Variants in FGF13 observed in about 807,000 individuals in gnomAD.
FGF13 encodes fibroblast growth factor homologous factor 2.
FGF13 carries 2 observed loss-of-function variants against 19.5 expected under a neutral mutation model. The ratio of observed to expected loss-of-function variants is 0.10; its 90% CI spans 0.04 to 0.32. The LOEUF is 0.32. Ranked by LOEUF, FGF13 falls within the 10% of genes least tolerant of loss-of-function variation. The probability of loss-of-function intolerance (pLI) is 1.00; values close to 1 mark genes in which losing one functional copy is unlikely to be tolerated. For missense variants in FGF13, 113 were observed against 192.7 expected (o/e 0.59, Z 2.45); for synonymous variants, 72 against 76.9 (o/e 0.94, Z 0.33).
chrX:138,738,613 G>A (rs1413478515), intron 1 of FGF13, among the ~76,000 whole-genome samples: 2 of 111,467 alleles, frequency 1.8e-5, no homozygotes, highest in African/African-American at 6.5e-5. Flanking sequence ...AGCTATCTGC[G>A]GCATCTGCCT....
chrX:139,055,725 C>T (rs757910109), intron 1 of FGF13, among the ~76,000 whole-genome samples: 4 of 112,697 alleles, frequency 3.5e-5, no homozygotes, highest in African/African-American at 1.3e-4. Context: ...ACTGCTGATT[C>T]CTTTGGGGCA....
At chrX:139,186,266 C>T in intron 1 of FGF13, among the ~76,000 whole-genome samples, 1 of 111,686 alleles carries the variant, frequency 9.0e-6, no homozygotes, top group East Asian at 2.8e-4. Flanking sequence ...GTTGTAAGTG[C>T]TAGAGATGGG....
At chrX:139,033,877 G>C (rs2092240604) in intron 1 of FGF13, among the ~76,000 whole-genome samples, 1 of 111,547 alleles carries the variant, frequency 9.0e-6, no homozygotes, top group African/African-American at 3.3e-5. Context: ...TTTGGGATGA[G>C]CTGATTTCTC....
intron 1 of FGF13, among the ~76,000 whole-genome samples, chrX:139,186,611 A>G (rs1012535201): frequency 5.4e-5 from 6 of 111,480 alleles, no homozygotes; most frequent in African/African-American, 1.3e-4. Flanking sequence ...CTCATACACA[A>G]AAGTACACCT....
At chrX:139,029,774 C>A (rs1397594617) in intron 1 of FGF13, among the ~76,000 whole-genome samples, 3 of 110,722 alleles carry the variant, frequency 2.7e-5, no homozygotes, top group Non-Finnish European at 5.7e-5. Context: ...TTGGTGATCC[C>A]CAGCAAAGAT....
intron 1 of FGF13, among the ~76,000 whole-genome samples, chrX:138,923,143 AT>A (rs1172527048): frequency 8.9e-6 from 1 of 112,016 alleles, no homozygotes; most frequent in Non-Finnish European, 1.9e-5. Flanking sequence ...AACCATCAGA[AT>A]TTTTGCAGTA....
At chrX:138,958,080 G>A (rs1284630475) in intron 1 of FGF13, among the ~76,000 whole-genome samples, 4 of 112,032 alleles carry the variant, frequency 3.6e-5, no homozygotes, top group African/African-American at 1.3e-4. Flanking sequence ...GGAGTGGTGA[G>A]AGAAGGCCTC....
At chrX:139,009,209 C>T (rs572423) in intron 1 of FGF13, among the ~76,000 whole-genome samples, 11,142 of 111,642 alleles carry the variant, frequency 0.1, 801 homozygotes, top group African/African-American at 0.24. Context: ...AGAGAAATCT[C>T]ACAGTTTGGA....
At chrX:138,804,485 T>C (rs954511924) in intron 3 of FGF13, among the ~76,000 whole-genome samples, 22 of 112,178 alleles carry the variant, frequency 2.0e-4, no homozygotes, top group Non-Finnish European at 3.8e-5. Flanking sequence ...AATTGTTCAA[T>C]GAATGCACTT....
At chrX:138,904,198 A>G (rs141479408) in intron 1 of FGF13, among the ~76,000 whole-genome samples, 2,983 of 111,681 alleles carry the variant, frequency 0.027, 102 homozygotes, top group African/African-American at 0.093. Context: ...GCTCGTGTCA[A>G]GATACTTTAA....
chrX:138,786,464 A>AC (rs2090693281), intron 3 of FGF13, among the ~76,000 whole-genome samples: 1 of 111,872 alleles, frequency 8.9e-6, no homozygotes, highest in Non-Finnish European at 1.9e-5. Context: ...TCAGTCTGCC[A>AC]CCTCCAGAGC....
chrX:139,174,567 T>C (rs2084163542), intron 1 of FGF13, among the ~76,000 whole-genome samples: 1 of 112,228 alleles, frequency 8.9e-6, no homozygotes, highest in Non-Finnish European at 1.9e-5. Context: ...TGAGTTAATT[T>C]TTGTATAAGA....
At chrX:139,056,312 G>A (rs918653593) in intron 1 of FGF13, among the ~76,000 whole-genome samples, 1 of 112,482 alleles carries the variant, frequency 8.9e-6, no homozygotes, top group Non-Finnish European at 1.9e-5. Context: ...TTCACAGTGA[G>A]CCAAGAGATC....
In FGF13 at chrX:138,867,791, A is replaced by G. The variant is rs1272078546; in HGVS notation, c.-112-3141T>C. 3.1e-5 allele frequency among the ~76,000 whole-genome samples: 3 copies of G among 95,826 alleles called. No homozygotes were observed. The East Asian group carries it at 1.1e-3, about 34-fold the overall frequency. 83.2% of individuals were successfully genotyped at this position (95,826 alleles called of 115,157 possible). A position where few individuals can be genotyped will look rare whatever the true frequency, so the allele number is the denominator to read the frequency against. ...CGTATCACTGTCTCTAAATCTATCT[A>G]TCTATCTATCTATCTATCTATCTAT... On this transcript the variant is annotated intron_variant, in intron 1 of 2. Coordinates refer to the FGF13 transcript ENST00000421460.
intron 1 of FGF13, among the ~76,000 whole-genome samples, chrX:139,055,304 T>C (rs1842253595): frequency 8.9e-6 from 1 of 112,078 alleles, no homozygotes; most frequent in Admixed American, 9.5e-5. Context: ...CAGTATTATG[T>C]TGTAGTCATT....
intron 1 of FGF13, among the ~76,000 whole-genome samples, chrX:138,932,883 C>T (rs1008855087): frequency 9.0e-6 from 1 of 110,812 alleles, no homozygotes; most frequent in African/African-American, 3.3e-5. Flanking sequence ...CTTATAGAGA[C>T]ACCTATATCT....
intron 1 of FGF13, among the ~76,000 whole-genome samples, chrX:138,718,418 G>A (rs1304381815): frequency 9.0e-6 from 1 of 111,512 alleles, no homozygotes; most frequent in Non-Finnish European, 1.9e-5. Context: ...TAAAGTTACT[G>A]GAAGGTGACC....
chrX:138,675,983 G>A (rs1365632692), intron 3 of FGF13, among the ~76,000 whole-genome samples: 5 of 111,698 alleles, frequency 4.5e-5, no homozygotes, highest in Non-Finnish European at 5.6e-5. Flanking sequence ...TTTTGTTGCT[G>A]TTATACCCTC....
At chrX:138,665,562 G>A (rs141756055) in intron 3 of FGF13, among the ~76,000 whole-genome samples, 4,199 of 111,402 alleles carry the variant, frequency 0.038, 155 homozygotes, top group African/African-American at 0.13. Context: ...AGCGTCTAGC[G>A]TACTTTAGTT....
Sources: allele counts gnomAD v4.1 joint callset (sites outside exome capture counted in the v4.1 genomes callset), GRCh38; gene constraint gnomAD v4.1.1; transcripts MANE v1.5; gene names NCBI Gene and HGNC (gene_info 2026-07-23, HGNC 2026-07-21).